SLIT3: variants seen among roughly 807,000 people sequenced by gnomAD.
SLIT3 encodes the protein slit homolog 3 protein.
SLIT3 carries 68 observed loss-of-function variants against 184.0 expected under a neutral mutation model. The ratio of observed to expected loss-of-function variants is 0.37; its 90% CI spans 0.30 to 0.45. The LOEUF is 0.45. Ranked by LOEUF, SLIT3 falls within the 20% of genes least tolerant of loss-of-function variation. SLIT3 has a pLI of 1.00. For synonymous variants in SLIT3, 831 were observed against 828.6 expected (o/e 1.00, Z -0.05); for missense variants, 1,707 against 2,026.0 (o/e 0.84, Z 3.02).
chr5:169,044,888 C>T (rs1287619264), intron 4 of SLIT3, among the ~76,000 whole-genome samples: 2 of 152,208 alleles, frequency 1.3e-5, no homozygotes, highest in Admixed American at 1.3e-4. Context: ...AAGGATAGTG[C>T]TTATTGCTGC....
At chr5:168,813,106 G>A (rs549944775) in intron 8 of SLIT3, among the ~76,000 whole-genome samples, 31 of 152,262 alleles carry the variant, frequency 2.0e-4, no homozygotes, top group African/African-American at 7.0e-4. Context: ...TTAAGGCCAA[G>A]GGCAGGTAAG....
intron 4 of SLIT3, among the ~76,000 whole-genome samples, chr5:168,891,865 T>G (rs950986884): frequency 9.9e-5 from 15 of 152,136 alleles, no homozygotes; most frequent in African/African-American, 3.6e-4. Flanking sequence ...GCAGGTAAAG[T>G]AAATGAGGAA....
In SLIT3 at chr5:168,674,525, T is replaced by G. The variant is rs181692863; in HGVS notation, c.3687-1194A>C. 1.1e-3 allele frequency among the ~76,000 whole-genome samples: 158 copies of G among 139,936 alleles called. 2 individuals are homozygous for G. In the Admixed American group the frequency reaches 0.012, roughly 10 times the overall value. The allele number at this position is 139,936 out of a possible 152,430, so 91.8% of individuals were successfully genotyped here. On this transcript the variant is annotated intron_variant, in intron 32 of 35. Transcript: ENST00000519560. ...TTTTTTTTTTGAGATGGAGTCTCAC[T>G]CTGTCGCCCAGGCTGGAGTGCAGTA...
chr5:169,131,189 C>A (rs959733071), intron 4 of SLIT3, among the ~76,000 whole-genome samples: 4 of 152,208 alleles, frequency 2.6e-5, no homozygotes, highest in Admixed American at 6.5e-5. Flanking sequence ...AACGAACACA[C>A]AACAATGCAC....
Position 168,673,219 on chromosome 5 carries a change from T to C in SLIT3, c.3799A>G (p.Lys1267Glu), listed in dbSNP as rs745836096. 1 of 1,614,168 alleles carries C rather than the reference T, an allele frequency of 6.2e-7. No individual in the cohort carries two copies. The highest frequency in any genetic ancestry group is 1.7e-5 in the Admixed American group (1 of 60,020). Residue 1267 changes from lysine (K) to glutamate (E), a missense_variant, in exon 33 of 36, where the codon AAG becomes GAG. Physicochemically the swap from Lys to Glu is moderately conservative, Grantham distance 56. Around this residue, in one of 3 missense-constraint regions of SLIT3, gnomAD observed 387 missense variants for 477.9 expected, o/e 0.81. Coordinates refer to ENST00000519560, the MANE Select transcript of SLIT3 (RefSeq NM_003062.4). Reference sequence around the variant, plus strand: ...CTGTTGATGCCCACTGCTGGCTGCTTCTGGAGCTTCCCCAGGCTCTTTGGA... The same window carrying C: ...CTGTTGATGCCCACTGCTGGCTGCTCCTGGAGCTTCCCCAGGCTCTTTGGA... The part of the protein sequence containing the change: ...GTPKSLGKLQ[K>E]QPAVGINSPL...
At chr5:168,854,211 CTG>C (rs1232004293) in intron 5 of SLIT3, among the ~76,000 whole-genome samples, 2 of 152,110 alleles carry the variant, frequency 1.3e-5, no homozygotes, top group Admixed American at 1.3e-4. Flanking sequence ...CCTAATATGA[CTG>C]TGTGGGTGTA....
intron 2 of SLIT3, among the ~76,000 whole-genome samples, chr5:169,246,958 C>G (rs1765614162): frequency 7.6e-6 from 1 of 131,914 alleles, no homozygotes; most frequent in African/African-American, 3.0e-5. Flanking sequence ...AGGCTGGGCA[C>G]AGTGGCTCAC....
At chr5:169,160,751 C>CA (rs1762450834) in intron 4 of SLIT3, among the ~76,000 whole-genome samples, 1 of 152,166 alleles carries the variant, frequency 6.6e-6, no homozygotes, top group Non-Finnish European at 1.5e-5. Flanking sequence ...TTTTTTTCCA[C>CA]ATTTCATTGC....
At chr5:169,110,715 T>C (rs991927321) in intron 4 of SLIT3, among the ~76,000 whole-genome samples, 1 of 152,194 alleles carries the variant, frequency 6.6e-6, no homozygotes, top group Middle Eastern at 3.2e-3. Flanking sequence ...CACAATTCAA[T>C]GCATAACACC....
intron 4 of SLIT3, among the ~76,000 whole-genome samples, chr5:168,996,797 C>A (rs1187531617): frequency 1.3e-5 from 2 of 152,182 alleles, no homozygotes; most frequent in East Asian, 3.8e-4. Context: ...GGGGCCCCAG[C>A]TACCAATATT....
intron 14 of SLIT3, among the ~76,000 whole-genome samples, chr5:168,769,490 G>A (rs1465253796): frequency 6.6e-6 from 1 of 152,188 alleles, no homozygotes; most frequent in Admixed American, 6.5e-5. Flanking sequence ...TGTTGGACCA[G>A]TTAGGAAGAG....
In SLIT3 at chr5:168,666,254, T is replaced by TAAAAGATGAA; in HGVS notation, c.*190_*199dup. 4.1e-6 allele frequency: 2 copies of TAAAAGATGAA among 482,864 alleles called. No homozygotes were observed. The highest frequency in any genetic ancestry group is 7.1e-6 in the Non-Finnish European group (2 of 281,354). 29.9% of individuals were successfully genotyped at this position (482,864 alleles called of 1,614,324 possible). On this transcript the variant is annotated 3_prime_UTR_variant, in exon 36 of 36. Transcript: ENST00000519560. The stretch of plus-strand genomic sequence containing the variant: ...CAGATGGTGTAATATATTTATATAA[T>TAAAAGATGAA]AAAAGATGAAAATAGTCACTTTCCA...
At chr5:168,726,059 C>T (rs754912304) in intron 20 of SLIT3, among the ~76,000 whole-genome samples, 2 of 151,960 alleles carry the variant, frequency 1.3e-5, no homozygotes, top group Non-Finnish European at 2.9e-5. Flanking sequence ...CTTTGATCCT[C>T]GATTGTGTAC....
At chr5:169,128,021 T>C (rs567785096) in intron 4 of SLIT3, among the ~76,000 whole-genome samples, 1 of 152,160 alleles carries the variant, frequency 6.6e-6, no homozygotes, top group Admixed American at 6.5e-5. Flanking sequence ...TTACCAAATG[T>C]ACCATAGAAT....
At chr5:168,708,368 G>A (rs1442331259) in intron 25 of SLIT3, 6 of 524,536 alleles carry the variant, frequency 1.1e-5, no homozygotes, top group East Asian at 3.2e-5. Context: ...AGCCTGATCC[G>A]ATTTTGGTGC....
chr5:169,232,465 T>A lies in SLIT3; in HGVS notation c.341+12240A>T, dbSNP rs145666671. The stretch of plus-strand genomic sequence containing the variant: ...GTCTCAAACTCCTGACCTCAGGTGA[T>A]CCACTCACCTCAGCCTCCCTAAGTG... On this transcript the variant is annotated intron_variant, in intron 3 of 35. Coordinates refer to ENST00000519560, the MANE Select transcript of SLIT3 (RefSeq NM_003062.4). Among the ~76,000 whole-genome samples the A allele has an allele frequency of 3.5e-3, 529 of 152,304 alleles. 6 individuals carry two copies. Among genetic ancestry groups the A allele is most frequent in the African/African-American group, 0.012 (497 of 41,570 alleles).
intron 4 of SLIT3, among the ~76,000 whole-genome samples, chr5:168,966,802 GATGATCCCCC>G (rs1763211602): frequency 1.3e-5 from 2 of 152,158 alleles, no homozygotes; most frequent in Non-Finnish European, 2.9e-5. Flanking sequence ...TTTGTTAAAT[GATGATCCCCC>G]ATGAACGTGA....
chr5:169,163,325 T>C (rs1458403709), intron 4 of SLIT3, among the ~76,000 whole-genome samples: 1 of 151,970 alleles, frequency 6.6e-6, no homozygotes, highest in African/African-American at 2.4e-5. Context: ...AAAAAGGAAA[T>C]GAAAAGGTGT....
intron 4 of SLIT3, among the ~76,000 whole-genome samples, chr5:168,896,177 G>A (rs1401738295): frequency 1.3e-5 from 2 of 152,160 alleles, no homozygotes; most frequent in Non-Finnish European, 2.9e-5. Flanking sequence ...CAAGACCCCA[G>A]GAGGCAGTGA....
Sources: allele counts gnomAD v4.1 joint callset (sites outside exome capture counted in the v4.1 genomes callset), GRCh38; gene constraint gnomAD v4.1.1; regional missense constraint gnomAD v4.1.1; transcripts MANE v1.5; gene names NCBI Gene and HGNC (gene_info 2026-07-23, HGNC 2026-07-21).